MACROD2: variants seen among roughly 807,000 people sequenced by gnomAD.
The protein encoded by MACROD2 is ADP-ribose glycohydrolase MACROD2.
In MACROD2, 36 loss-of-function variants were observed where a neutral mutation model predicts 70.4. The ratio of observed to expected loss-of-function variants is 0.51; its 90% CI spans 0.39 to 0.68. The LOEUF (loss-of-function observed/expected upper bound fraction) is 0.68, where lower values mean the gene tolerates loss of function less well. Among genes scored for constraint, MACROD2 ranks in the 30% least tolerant of loss-of-function variants. The pLI is 0.00. For synonymous variants in MACROD2, 172 were observed against 178.8 expected (o/e 0.96, Z 0.30); for missense variants, 496 against 538.4 (o/e 0.92, Z 0.78).
chr20:15,532,254 T>C (rs945927333), intron 8 of MACROD2, among the ~76,000 whole-genome samples: 1 of 152,162 alleles, frequency 6.6e-6, no homozygotes, highest in Non-Finnish European at 1.5e-5. Context: ...GACATACTTA[T>C]ACTAAAATAA....
chr20:15,715,605 A>G lies in MACROD2; in HGVS notation c.646-147140A>G, dbSNP rs186492796. 3.3e-5 allele frequency among the ~76,000 whole-genome samples: 5 copies of G among 152,302 alleles called. No homozygotes were observed. The East Asian group carries it at 9.6e-4, about 29-fold the overall frequency. ...TTGTGGTTTTCCTGTCTATGAGATA[A>G]GTTTTGCCAGTAAATCAAACAATAG... On this transcript the variant is annotated intron_variant, in intron 8 of 17. Transcript: ENST00000684519.
At chr20:14,325,532 C>G in intron 3 of MACROD2, 1 of 1,576,208 alleles carries the variant, frequency 6.3e-7, no homozygotes, top group Non-Finnish European at 8.6e-7. Context: ...ACCCAAAACA[C>G]AAGTCTGCTG....
intron 5 of MACROD2, among the ~76,000 whole-genome samples, chr20:14,747,719 A>T (rs961110753): frequency 3.3e-5 from 5 of 152,016 alleles, no homozygotes; most frequent in Non-Finnish European, 7.4e-5. Context: ...GAGTGGTATG[A>T]TAGAGGTTCT....
intron 3 of MACROD2, among the ~76,000 whole-genome samples, chr20:14,317,829 T>C (rs1247548394): frequency 6.6e-6 from 1 of 152,134 alleles, no homozygotes; most frequent in East Asian, 1.9e-4. Flanking sequence ...TTCCTATCTC[T>C]AAAGTTATTG....
chr20:15,556,228 A>C (rs1462334656), intron 8 of MACROD2, among the ~76,000 whole-genome samples: 1 of 151,844 alleles, frequency 6.6e-6, no homozygotes, highest in African/African-American at 2.4e-5. Flanking sequence ...TGGGGATTAA[A>C]CCTTCTGGCT....
intron 4 of MACROD2, among the ~76,000 whole-genome samples, chr20:14,621,334 G>A (rs1683128840): frequency 6.6e-6 from 1 of 152,072 alleles, no homozygotes; most frequent in Non-Finnish European, 1.5e-5. Context: ...GTTTACAGAT[G>A]TGCTGCTCAA....
chr20:15,801,656 T>C (rs2063727906), intron 8 of MACROD2, among the ~76,000 whole-genome samples: 1 of 152,130 alleles, frequency 6.6e-6, no homozygotes, highest in Non-Finnish European at 1.5e-5. Context: ...CTTTGTTCTT[T>C]TTGCTCAGAA....
chr20:14,963,636 G>C (rs909016694), intron 5 of MACROD2, among the ~76,000 whole-genome samples: 1 of 152,028 alleles, frequency 6.6e-6, no homozygotes, highest in Admixed American at 6.5e-5. Context: ...TATTACTCTT[G>C]AAAACAATAC....
At chr20:14,485,388 T>C (rs1471763160) in intron 3 of MACROD2, among the ~76,000 whole-genome samples, 1 of 152,114 alleles carries the variant, frequency 6.6e-6, no homozygotes, top group Non-Finnish European at 1.5e-5. Flanking sequence ...TCAGAAGCCT[T>C]AACTATTTGC....
chr20:14,531,975 G>T (rs1319012050), intron 4 of MACROD2, among the ~76,000 whole-genome samples: 1 of 152,050 alleles, frequency 6.6e-6, no homozygotes, highest in Non-Finnish European at 1.5e-5. Context: ...GCCAGCACTC[G>T]ACGTTCACTG....
intron 3 of MACROD2, among the ~76,000 whole-genome samples, chr20:14,339,646 G>T (rs1034034273): frequency 2.0e-5 from 3 of 152,200 alleles, no homozygotes; most frequent in East Asian, 3.9e-4. Flanking sequence ...CAGTTTGGAG[G>T]TTTCCCTTCT....
intron 8 of MACROD2, among the ~76,000 whole-genome samples, chr20:15,716,813 C>T (rs2050714543): frequency 3.3e-5 from 5 of 151,972 alleles, no homozygotes; most frequent in African/African-American, 1.2e-4. Flanking sequence ...GAAAAAGAAA[C>T]TTTACATGAT....
chr20:14,128,448 A>G (rs1228132823), intron 3 of MACROD2: 2 of 152,952 alleles, frequency 1.3e-5, no homozygotes, highest in African/African-American at 4.8e-5. Context: ...AGGCTACCAG[A>G]AGTTTATGAG....
At chr20:15,049,261 A>C (rs185847060) in intron 5 of MACROD2, among the ~76,000 whole-genome samples, 9 of 151,980 alleles carry the variant, frequency 5.9e-5, no homozygotes, top group Non-Finnish European at 1.2e-4. Flanking sequence ...AAGCATTGCA[A>C]GGAGAGAGAA....
chr20:14,122,943 G>A lies in MACROD2; in HGVS notation c.271+37215G>A, dbSNP rs532410387. Among the ~76,000 whole-genome samples the A allele has an allele frequency of 3.2e-3, 481 of 152,166 alleles. 2 individuals carry two copies. The highest frequency in any genetic ancestry group is 0.01 in the African/African-American group (427 of 41,528). ...ATACAGGATTAGAGACAGTGGCATC[G>A]TCTTCCACACTGTAGTTTAACTCAG... On this transcript the variant is annotated intron_variant, in intron 3 of 17. Transcript: ENST00000684519.
chr20:14,187,348 T>C (rs1371429568), intron 3 of MACROD2, among the ~76,000 whole-genome samples: 1 of 152,134 alleles, frequency 6.6e-6, no homozygotes, highest in Non-Finnish European at 1.5e-5. Flanking sequence ...CAGTTTACAA[T>C]TGAAGCAGAA....
intron 8 of MACROD2, among the ~76,000 whole-genome samples, chr20:15,755,477 T>C (rs923564488): frequency 2.2e-4 from 33 of 152,270 alleles, no homozygotes; most frequent in African/African-American, 7.9e-4. Flanking sequence ...TCAGATTATG[T>C]TACATTTCCT....
At chr20:14,261,896 T>C (rs946167746) in intron 3 of MACROD2, among the ~76,000 whole-genome samples, 6 of 152,112 alleles carry the variant, frequency 3.9e-5, no homozygotes, top group Admixed American at 6.6e-5. Flanking sequence ...TTTTTTCCTT[T>C]TGATTTTGTG....
rs542125431 is a variant in MACROD2, at chr20:14,638,987, A to G, written c.302-45856A>G. The stretch of plus-strand genomic sequence containing the variant: ...AAAAGAAAGAATTAAATGAGTGAAT[A>G]TGTGTTAATCTCTTAGGTTAGTAGC... On this transcript the variant is annotated intron_variant, in intron 4 of 17. Coordinates refer to ENST00000684519, the MANE Select transcript of MACROD2 (RefSeq NM_001351661.2). Among the ~76,000 whole-genome samples, 41 of 152,130 alleles carry G rather than the reference A, an allele frequency of 2.7e-4. No individual in the cohort carries two copies. The Middle Eastern group carries it at 0.01, about 38-fold the overall frequency.
Sources: gnomAD v4.1 joint callset for allele counts (sites outside exome capture counted in the v4.1 genomes callset) on GRCh38, gnomAD v4.1.1 for gene constraint, MANE v1.5 for transcripts, NCBI Gene and HGNC (gene_info 2026-07-23, HGNC 2026-07-21) for gene names.